Variants in RAB9B observed in about 807,000 individuals in gnomAD.
The protein encoded by RAB9B is RAB9B, member RAS oncogene family, also known as ras-related protein Rab-9B.
In RAB9B, 1 loss-of-function variant was observed where a neutral mutation model predicts 8.9. The ratio of observed to expected loss-of-function variants is 0.11; its 90% CI spans 0.04 to 0.53. The LOEUF is 0.53. Among genes scored for constraint, RAB9B ranks in the 20% least tolerant of loss-of-function variants. RAB9B has a pLI of 0.93. For missense variants in RAB9B, 82 were observed against 152.9 expected, an observed-to-expected ratio of 0.54 and a Z score of 2.45; for synonymous variants, 63 against 57.0, an observed-to-expected ratio of 1.10 and a Z score of -0.47.
chrX:103,795,420 T>C, the RAB9B span, among the ~76,000 whole-genome samples: 2 of 111,790 alleles, frequency 1.8e-5, no homozygotes, highest in African/African-American at 6.5e-5. Flanking sequence ...CTTCTATATA[T>C]TATGTGAAAC....
the RAB9B span, among the ~76,000 whole-genome samples, chrX:103,811,817 C>G: frequency 9.0e-6 from 1 of 110,922 alleles, no homozygotes; most frequent in Non-Finnish European, 1.9e-5. Flanking sequence ...GGCTTAACAA[C>G]AGAAATTTAT....
the RAB9B span, among the ~76,000 whole-genome samples, chrX:103,814,700 T>A: frequency 9.0e-6 from 1 of 110,582 alleles, no homozygotes; most frequent in African/African-American, 3.3e-5. Context: ...GCAAGATTAA[T>A]AAAGAAGAAA....
At chrX:103,799,265 G>T in the RAB9B span, among the ~76,000 whole-genome samples, 1 of 102,659 alleles carries the variant, frequency 9.7e-6, no homozygotes, top group African/African-American at 3.7e-5. Flanking sequence ...AGGTATCTCC[G>T]CATATCTGTT....
chrX:103,796,459 AC>A, the RAB9B span, among the ~76,000 whole-genome samples: 3 of 111,405 alleles, frequency 2.7e-5, no homozygotes, highest in African/African-American at 9.8e-5. Context: ...ACAGAGGGAG[AC>A]CCTGTCTCAG....
chrX:103,787,746 T>G, the RAB9B span: 1 of 1,064,013 alleles, frequency 9.4e-7, no homozygotes, highest in African/African-American at 1.8e-5. Flanking sequence ...TTTGTGTTTC[T>G]ACATCTGCAG....
chrX:103,799,670 G>A, the RAB9B span, among the ~76,000 whole-genome samples: 30,424 of 110,915 alleles, frequency 0.27, 3,168 homozygotes, highest in Admixed American at 0.35. Context: ...ATTCAATAAC[G>A]CTGTTTTAAA....
the RAB9B span, among the ~76,000 whole-genome samples, chrX:103,782,148 C>T: frequency 8.9e-6 from 1 of 112,414 alleles, no homozygotes; most frequent in East Asian, 2.8e-4. Flanking sequence ...GACTGAGATT[C>T]TTCACTTCTG....
chrX:103,805,039 T>C, the RAB9B span, among the ~76,000 whole-genome samples: 29 of 111,855 alleles, frequency 2.6e-4, no homozygotes, highest in Admixed American at 2.2e-3. Context: ...TCCATTACAA[T>C]GTTAAATAAA....
At chrX:103,826,932 C>T (rs1380953025) in intron 2 of RAB9B, 73 bp downstream of exon 2, 1 of 111,550 alleles carries the variant, frequency 9.0e-6, no homozygotes, top group Non-Finnish European at 1.9e-5. Context: ...ATATATTTTT[C>T]TAAATATTCA....
At chrX:103,818,627 C>G (rs776927464), downstream of RAB9B, among the ~76,000 whole-genome samples, 1 of 111,169 alleles carries the variant, frequency 9.0e-6, no homozygotes, top group African/African-American at 3.3e-5. Context: ...CAATATTATG[C>G]AAACAGCAAA....
chrX:103,787,617 T>C, the RAB9B span: 1 of 478,497 alleles, frequency 2.1e-6, no homozygotes, highest in Non-Finnish European at 3.7e-6. Flanking sequence ...TGGGGCCAGT[T>C]ATCTAGTAGA....
At chrX:103,787,649 G>T in the RAB9B span, 1 of 540,544 alleles carries the variant, frequency 1.8e-6, no homozygotes, top group East Asian at 3.3e-5. Context: ...ACCCTTGGCA[G>T]AGGTGCCCTG....
chrX:103,794,842 C>G, the RAB9B span, among the ~76,000 whole-genome samples: 11 of 111,963 alleles, frequency 9.8e-5, no homozygotes, highest in Admixed American at 7.6e-4. Context: ...AAGACGCAAA[C>G]ATACTCTTCA....
At chrX:103,778,070 G>C in the RAB9B span, among the ~76,000 whole-genome samples, 2 of 111,967 alleles carry the variant, frequency 1.8e-5, no homozygotes, top group African/African-American at 6.5e-5. Context: ...ACAGGAGGGA[G>C]AGCACTGGAC....
At chrX:103,777,017 T>C in the RAB9B span, 1 of 1,189,297 alleles carries the variant, frequency 8.4e-7, no homozygotes, top group East Asian at 3.0e-5. Context: ...TCAAAAACTT[T>C]AGCATTGAAG....
chrX:103,803,562 G>A, the RAB9B span, among the ~76,000 whole-genome samples: 19 of 112,373 alleles, frequency 1.7e-4, no homozygotes, highest in African/African-American at 2.3e-4. Flanking sequence ...TGTGTTATGA[G>A]TACTTTACAT....
rs1569434595 is a variant in RAB9B at position 103,822,328 on chromosome X, GCTGGTTATTCAAAATGCACT to G, written c.*2831_*2850del. 8.9e-6 allele frequency: 1 copy of G among 112,264 alleles called. No individual in the cohort carries two copies. Among genetic ancestry groups the G allele is most frequent in the Non-Finnish European group, 1.9e-5 (1 of 53,260 alleles). 9.3% of individuals were successfully genotyped at this position (112,264 alleles called of 1,213,427 possible). Reference sequence around the variant, plus strand: ...GAGGGAATAAACACAAACATTGTGTGCTGGTTATTCAAAATGCACTTTTTATTCACTTTAACACAGATGAT... The same window carrying G: ...GAGGGAATAAACACAAACATTGTGTGTTTTATTCACTTTAACACAGATGAT... On this transcript the variant is annotated 3_prime_UTR_variant, in exon 3 of 3. Coordinates refer to ENST00000243298, the MANE Select transcript of RAB9B (RefSeq NM_016370.4).
the RAB9B span, chrX:103,787,457 C>T: frequency 1.3e-5 from 4 of 318,915 alleles, no homozygotes; most frequent in East Asian, 1.3e-4. Flanking sequence ...GTTCTAAGCT[C>T]AGCCTAAGGC....
At chrX:103,779,649 G>A in the RAB9B span, among the ~76,000 whole-genome samples, 1 of 111,831 alleles carries the variant, frequency 8.9e-6, no homozygotes. Context: ...GGGGGCCTTG[G>A]GCTTGGCTCT....
Sources: allele counts gnomAD v4.1 joint callset (sites outside exome capture counted in the v4.1 genomes callset), GRCh38; gene constraint gnomAD v4.1.1; transcripts MANE v1.5; gene names NCBI Gene and HGNC (gene_info 2026-07-23, HGNC 2026-07-21).